Variants in GPHN observed in about 807,000 individuals in gnomAD.
GPHN encodes the protein gephyrin.
Under a neutral mutation model 95.5 loss-of-function variants are expected in GPHN, and 17 were observed. The observed-to-expected ratio is 0.18, with a 90% CI of 0.12 to 0.27. The LOEUF is 0.27. Among genes scored for constraint, GPHN ranks in the 10% least tolerant of loss-of-function variants. The probability of loss-of-function intolerance (pLI) is 1.00; values close to 1 mark genes in which losing one functional copy is unlikely to be tolerated. For missense variants in GPHN, 660 were observed against 978.1 expected (o/e 0.67, Z 4.34); for synonymous variants, 320 against 322.5 (o/e 0.99, Z 0.08).
At chr14:67,103,191 G>C (rs1296076781) in intron 13 of GPHN, among the ~76,000 whole-genome samples, 1 of 152,050 alleles carries the variant, frequency 6.6e-6, no homozygotes, top group African/African-American at 2.4e-5. Flanking sequence ...AACCACGCTG[G>C]GTTCTCTATT....
intron 16 of GPHN, among the ~76,000 whole-genome samples, chr14:67,115,406 T>C (rs994117620): frequency 3.9e-5 from 6 of 152,174 alleles, no homozygotes; most frequent in African/African-American, 1.4e-4. Flanking sequence ...AGTACAAACT[T>C]TCCTTAAGTA....
At chr14:66,622,954 A>T (rs751385834) in intron 1 of GPHN, among the ~76,000 whole-genome samples, 2 of 152,130 alleles carry the variant, frequency 1.3e-5, no homozygotes, top group Non-Finnish European at 2.9e-5. Flanking sequence ...CCACATTTTC[A>T]TGTATGTTTT....
chr14:66,956,397 C>T (rs1186467299), intron 8 of GPHN, among the ~76,000 whole-genome samples: 1 of 152,124 alleles, frequency 6.6e-6, no homozygotes, highest in Non-Finnish European at 1.5e-5. Context: ...TGGGTATACA[C>T]CCAGTAATGG....
chr14:67,687,783 C>A, the GPHN span, among the ~76,000 whole-genome samples: 1 of 129,700 alleles, frequency 7.7e-6, no homozygotes, highest in Admixed American at 8.1e-5. Context: ...TTTTTTTTTT[C>A]ATTTTTTCAG....
intron 12 of GPHN, among the ~76,000 whole-genome samples, chr14:67,095,966 C>CAAAAAAAAAAAAAAAAAAAAAAAAATTA: frequency 1.5e-5 from 1 of 67,086 alleles, no homozygotes; most frequent in Non-Finnish European, 3.6e-5. Context: ...AAGAAAAAGG[C>CAAAAAAAAAAAAAAAAAAAAAAAAATTA]AAAAAAAAAA....
At chr14:67,439,319 G>T in the GPHN span, among the ~76,000 whole-genome samples, 1 of 152,090 alleles carries the variant, frequency 6.6e-6, no homozygotes, top group African/African-American at 2.4e-5. Flanking sequence ...AGTAGTTGTA[G>T]GTTTTCATCA....
At chr14:67,395,979 G>A in the GPHN span, among the ~76,000 whole-genome samples, 1 of 152,066 alleles carries the variant, frequency 6.6e-6, no homozygotes, top group Admixed American at 6.5e-5. Flanking sequence ...TGGACTCCCG[G>A]GCACATTAGG....
At chr14:67,470,336 A>G in the GPHN span, 1 of 152,486 alleles carries the variant, frequency 6.6e-6, no homozygotes, top group Non-Finnish European at 1.5e-5. Context: ...GGACCAACGG[A>G]GACACAGAGC....
intron 2 of GPHN, among the ~76,000 whole-genome samples, chr14:66,753,772 G>C (rs1232948150): frequency 6.6e-6 from 1 of 151,934 alleles, no homozygotes; most frequent in Non-Finnish European, 1.5e-5. Context: ...GTGATTTTTA[G>C]TATACTTATT....
the GPHN span, among the ~76,000 whole-genome samples, chr14:67,407,430 AT>A: frequency 1.0e-4 from 15 of 149,572 alleles, no homozygotes; most frequent in African/African-American, 3.4e-4. Context: ...CCCTAACCTT[AT>A]TTTTTTTTAA....
the GPHN span, among the ~76,000 whole-genome samples, chr14:67,621,547 C>G: frequency 1.3e-5 from 2 of 151,644 alleles, no homozygotes; most frequent in Admixed American, 1.3e-4. Flanking sequence ...CCTCCACCTT[C>G]TGGGTTCAAG....
chr14:67,600,148 C>T, the GPHN span: 2 of 1,592,700 alleles, frequency 1.3e-6, no homozygotes, highest in South Asian at 1.1e-5. Flanking sequence ...GTAGTAGCGG[C>T]GCTGCAGCGC....
the GPHN span, among the ~76,000 whole-genome samples, chr14:67,445,574 A>ATTTTTTTTTTTTTTTTTTTTTT: frequency 1.0e-5 from 1 of 98,680 alleles, no homozygotes; most frequent in Non-Finnish European, 2.0e-5. Flanking sequence ...AAGAGAGGCA[A>ATTTTTTTTTTTTTTTTTTTTTT]TTCTTTTTTT....
chr14:66,729,850 CCA>C (rs1385159741), intron 2 of GPHN, among the ~76,000 whole-genome samples: 3 of 152,144 alleles, frequency 2.0e-5, no homozygotes, highest in African/African-American at 7.2e-5. Context: ...GTAGTAATTC[CCA>C]TTTTTTGTGT....
intron 2 of GPHN, among the ~76,000 whole-genome samples, chr14:66,691,342 A>G (rs1394918644): frequency 6.6e-6 from 1 of 151,512 alleles, no homozygotes; most frequent in Non-Finnish European, 1.5e-5. Context: ...TCCCCACCAC[A>G]CCCAGCTAAT....
chr14:66,532,588 T>C (rs2058987244), intron 1 of GPHN, among the ~76,000 whole-genome samples: 1 of 152,190 alleles, frequency 6.6e-6, no homozygotes, highest in African/African-American at 2.4e-5. Flanking sequence ...CTATCCTCAG[T>C]ATATCATGAG....
chr14:67,136,883 T>C (rs912309516), intron 17 of GPHN, among the ~76,000 whole-genome samples: 6 of 152,130 alleles, frequency 3.9e-5, no homozygotes, highest in African/African-American at 1.2e-4. Flanking sequence ...TCAAGATTCA[T>C]GTTAGTATTA....
the GPHN span, among the ~76,000 whole-genome samples, chr14:67,469,336 G>A: frequency 6.9e-6 from 1 of 144,378 alleles, no homozygotes; most frequent in South Asian, 2.1e-4. Flanking sequence ...GAATACAGTG[G>A]TGCAATCATA....
chr14:66,887,269 G>A (rs993118114), intron 5 of GPHN, among the ~76,000 whole-genome samples: 5 of 152,056 alleles, frequency 3.3e-5, no homozygotes, highest in East Asian at 1.9e-4. Flanking sequence ...AGAAAAACTC[G>A]TGAAGTTCAC....
Sources: allele counts gnomAD v4.1 joint callset (sites outside exome capture counted in the v4.1 genomes callset), GRCh38; gene constraint gnomAD v4.1.1; transcripts MANE v1.5; gene names NCBI Gene and HGNC (gene_info 2026-07-23, HGNC 2026-07-21).